The following MSL2 variants were observed in gnomAD, a reference collection of about 807,000 sequenced individuals.
MSL2 encodes MSL complex subunit 2.
In MSL2, 2 loss-of-function variants were observed where a neutral mutation model predicts 35.8. That is an observed-to-expected ratio of 0.06 (90% CI 0.02 to 0.18). MSL2 has a LOEUF of 0.18. Among genes scored for constraint, MSL2 ranks in the 10% least tolerant of loss-of-function variants. MSL2 has a pLI of 1.00. For synonymous variants in MSL2, 296 were observed against 255.7 expected (o/e 1.16, Z -1.50); for missense variants, 523 against 706.7 (o/e 0.74, Z 2.95).
chr3:136,160,333 AGGAAGGAGGGAGGGAG>A (rs1310386586), intron 1 of MSL2, among the ~76,000 whole-genome samples: 42 of 20,082 alleles, frequency 2.1e-3, no homozygotes, highest in African/African-American at 5.6e-3. Flanking sequence ...GAAGGAGGGA[AGGAAGGAGGGAGGGAG>A]GGAGGGAGGG....
intron 1 of MSL2, among the ~76,000 whole-genome samples, chr3:136,193,480 T>G (rs887784096): frequency 6.6e-6 from 1 of 150,756 alleles, no homozygotes; most frequent in Admixed American, 6.7e-5. Flanking sequence ...AGTAGCACCC[T>G]ACGGCCGGCA....
chr3:136,180,247 C>T (rs929131711), intron 1 of MSL2, among the ~76,000 whole-genome samples: 5 of 151,948 alleles, frequency 3.3e-5, no homozygotes, highest in African/African-American at 9.7e-5. Context: ...TTTGTTACTA[C>T]GTGATAAGCT....
At chr3:136,172,658 T>TC (rs1356575165) in intron 1 of MSL2, among the ~76,000 whole-genome samples, 3 of 152,140 alleles carry the variant, frequency 2.0e-5, no homozygotes, top group Non-Finnish European at 4.4e-5. Flanking sequence ...TTCCCATGTT[T>TC]CCTTAATAGG....
chr3:136,189,616 C>T (rs927664734), intron 1 of MSL2, among the ~76,000 whole-genome samples: 2 of 149,960 alleles, frequency 1.3e-5, no homozygotes, highest in Admixed American at 1.3e-4. Flanking sequence ...CCCAGCTACT[C>T]AGGAGGCTGA....
rs542969011 is a variant in MSL2, at chr3:136,151,012, A to G, written c.*135T>C. 6 of 955,832 alleles carry G rather than the reference A, an allele frequency of 6.3e-6. No homozygotes were observed. The highest frequency in any genetic ancestry group is 2.4e-5 in the East Asian group (1 of 41,396). The allele number at this position is 955,832 out of a possible 1,614,324, so 59.2% of individuals were successfully genotyped here. A position where few individuals can be genotyped will look rare whatever the true frequency, so the allele number is the denominator to read the frequency against. On this transcript the variant is annotated 3_prime_UTR_variant, in exon 2 of 2. Transcript: ENST00000309993. The surrounding 1 kb of genome is among the most constrained non-coding windows in gnomAD (Gnocchi z 5.2). ...AACTATTTCCCCGACACTAACACAT[A>G]TAACTTAGCAATGAAAACACTTGAT...
intron 1 of MSL2, chr3:136,194,462 C>A (rs1372298119): frequency 1.0e-6 from 1 of 985,584 alleles, no homozygotes; most frequent in Non-Finnish European, 1.2e-6. Flanking sequence ...ACCGTCAAAG[C>A]ATTTGTGGAG....
At position 136,151,578 on chromosome 3, in the gene MSL2, T is replaced by C; in HGVS notation, c.1303A>G (p.Lys435Glu). 6.2e-7 allele frequency: 1 copy of C among 1,614,180 alleles called. No homozygotes were observed. The highest frequency in any genetic ancestry group is 8.5e-7 in the Non-Finnish European group (1 of 1,180,032). The change falls in exon 2 of 2, where the codon AAG (lysine) becomes GAG (glutamate). Residue 435 changes from lysine to glutamate, a missense_variant. By Grantham distance (56) the Lys-to-Glu change is moderately conservative. Around this residue, in one of 5 missense-constraint regions of MSL2, gnomAD observed 361 missense variants for 414.6 expected, o/e 0.87. Transcript: ENST00000309993. The surrounding 1 kb of genome is among the most constrained non-coding windows in gnomAD (Gnocchi z 5.2). Reference sequence around the variant, plus strand: ...AAATGATGACTAGGAATCTTTTCCTTTACTGCTTTGTCTTTTTTAAGAATA... The same window carrying C: ...AAATGATGACTAGGAATCTTTTCCTCTACTGCTTTGTCTTTTTTAAGAATA... ...PGILKKDKAV[K>E]EKIPSHHFMP...
intron 1 of MSL2, among the ~76,000 whole-genome samples, chr3:136,187,444 CCT>C (rs1940557066): frequency 6.6e-6 from 1 of 151,922 alleles, no homozygotes; most frequent in Non-Finnish European, 1.5e-5. Flanking sequence ...GGGAGGATGA[CCT>C]GAGGTCAGGA....
intron 1 of MSL2, among the ~76,000 whole-genome samples, chr3:136,191,240 G>A (rs189433505): frequency 2.6e-5 from 4 of 151,992 alleles, no homozygotes; most frequent in African/African-American, 7.2e-5. Context: ...AGGCCAAGGC[G>A]GGCGGATCAC....
At chr3:136,189,625 G>C (rs1284699756) in intron 1 of MSL2, among the ~76,000 whole-genome samples, 2 of 150,894 alleles carry the variant, frequency 1.3e-5, no homozygotes, top group Non-Finnish European at 2.9e-5. Context: ...TCAGGAGGCT[G>C]AGGCAGGAGA....
chr3:136,188,662 G>A (rs1020370738), intron 1 of MSL2, among the ~76,000 whole-genome samples: 2 of 149,516 alleles, frequency 1.3e-5, no homozygotes, highest in African/African-American at 4.9e-5. Context: ...GAGGTGGGAG[G>A]ACTGCTGGAG....
intron 1 of MSL2, among the ~76,000 whole-genome samples, chr3:136,163,541 T>G (rs1184644733): frequency 1.3e-5 from 2 of 152,238 alleles, no homozygotes. Context: ...AGAGGAGTTT[T>G]GATCACCTTG....
chr3:136,172,834 C>T (rs532392596), intron 1 of MSL2, among the ~76,000 whole-genome samples: 1 of 152,188 alleles, frequency 6.6e-6, no homozygotes, highest in African/African-American at 2.4e-5. Flanking sequence ...ATCTTTTCCC[C>T]TTTTGAAACA....
At position 136,150,933 on chromosome 3, in the gene MSL2, G is replaced by A; in HGVS notation, c.*214C>T. The stretch of plus-strand genomic sequence containing the variant: ...ATCAGCTTTGTTCTCAAACTATGAG[G>A]TTCTGTAAGAACTAAGGACATATAG... On this transcript the variant is annotated 3_prime_UTR_variant, in exon 2 of 2. Coordinates refer to ENST00000309993, the MANE Select transcript of MSL2 (RefSeq NM_018133.4). The A allele has an allele frequency of 3.8e-6, 2 of 532,514 alleles. No homozygotes were observed. Among genetic ancestry groups the A allele is most frequent in the Admixed American group, 6.3e-5 (2 of 31,954 alleles). 33.0% of individuals were successfully genotyped at this position (532,514 alleles called of 1,614,324 possible). A position where few individuals can be genotyped will look rare whatever the true frequency, so the allele number is the denominator to read the frequency against.
intron 1 of MSL2, among the ~76,000 whole-genome samples, chr3:136,193,829 G>A (rs1940758673): frequency 6.6e-6 from 1 of 152,106 alleles, no homozygotes; most frequent in Admixed American, 6.6e-5. Flanking sequence ...GACTTACTCA[G>A]TTACTTAAAT....
At chr3:136,153,195 C>A (rs1454530002) in intron 1 of MSL2, 1 of 369,392 alleles carries the variant, frequency 2.7e-6, no homozygotes, top group Admixed American at 6.4e-5. Context: ...GATCTTGCCA[C>A]TGCACTCCCG....
At chr3:136,175,220 T>C (rs1324225130) in intron 1 of MSL2, among the ~76,000 whole-genome samples, 3 of 152,030 alleles carry the variant, frequency 2.0e-5, no homozygotes, top group Admixed American at 1.3e-4. Context: ...GGCGCACACC[T>C]GTAATCTCAG....
intron 1 of MSL2, among the ~76,000 whole-genome samples, chr3:136,190,439 T>C (rs1940655700): frequency 6.6e-6 from 1 of 151,744 alleles, no homozygotes. Context: ...ACCTGTAGTG[T>C]TAGCTACTCT....
At chr3:136,154,918 A>G (rs967737462) in intron 1 of MSL2, among the ~76,000 whole-genome samples, 2 of 152,180 alleles carry the variant, frequency 1.3e-5, no homozygotes, top group Non-Finnish European at 2.9e-5. Context: ...CATTTTAAGA[A>G]AGCGGCTGGG....
Sources: gnomAD v4.1 joint callset for allele counts (sites outside exome capture counted in the v4.1 genomes callset) on GRCh38, gnomAD v4.1.1 for gene constraint, gnomAD v4.1.1 regional missense constraint, Gnocchi (gnomAD v3.1) non-coding constraint, MANE v1.5 for transcripts, NCBI Gene and HGNC (gene_info 2026-07-23, HGNC 2026-07-21) for gene names.